SAMD4A: variants seen among roughly 807,000 people sequenced by gnomAD.
The protein encoded by SAMD4A is sterile alpha motif domain containing 4A.
In SAMD4A, 33 loss-of-function variants were observed where a neutral mutation model predicts 81.3. The ratio of observed to expected loss-of-function variants is 0.41; its 90% CI spans 0.31 to 0.54. SAMD4A has a LOEUF of 0.54. Among genes scored for constraint, SAMD4A ranks in the 20% least tolerant of loss-of-function variants. The pLI is 0.37. For synonymous variants in SAMD4A, 389 were observed against 382.1 expected (o/e 1.02, Z -0.21); for missense variants, 854 against 951.1 (o/e 0.90, Z 1.34).
At chr14:54,665,280 T>C (rs2035733444) in intron 2 of SAMD4A, among the ~76,000 whole-genome samples, 1 of 152,262 alleles carries the variant, frequency 6.6e-6, no homozygotes, top group Non-Finnish European at 1.5e-5. Flanking sequence ...ATTGGATTCC[T>C]ATTCACCCAG....
intron 2 of SAMD4A, among the ~76,000 whole-genome samples, chr14:54,580,601 C>T (rs897363590): frequency 2.6e-5 from 4 of 152,274 alleles, no homozygotes; most frequent in African/African-American, 9.6e-5. Flanking sequence ...TTAAACAGTT[C>T]CTTACTGGGT....
At chr14:54,648,660 A>C (rs1388362093) in intron 2 of SAMD4A, among the ~76,000 whole-genome samples, 2 of 152,194 alleles carry the variant, frequency 1.3e-5, no homozygotes, top group African/African-American at 4.8e-5. Context: ...AGAGTGTGGT[A>C]GGAAATGAAG....
chr14:54,738,832 C>A (rs2037766586), intron 4 of SAMD4A, among the ~76,000 whole-genome samples: 1 of 151,552 alleles, frequency 6.6e-6, no homozygotes, highest in African/African-American at 2.4e-5. Flanking sequence ...AGCTTCTTTC[C>A]AGGTGAAGTT....
rs200970183 is a variant in SAMD4A at position 54,662,827 on chromosome 14, G to A, written c.197-39235G>A. Among the ~76,000 whole-genome samples, 112 of 152,140 alleles carry A rather than the reference G, an allele frequency of 7.4e-4. 1 individual carries two copies. The East Asian group carries it at 0.019, about 25-fold the overall frequency. On this transcript the variant is annotated intron_variant, in intron 2 of 12. Coordinates refer to ENST00000554335, the MANE Select transcript of SAMD4A (RefSeq NM_015589.6). ...TGCTATGGCCCTGCGATTCCTACAC[G>A]GTCTGCACACCCCACGTTGACCCCC...
rs1028491089 is a variant in SAMD4A at position 54,751,619 on chromosome 14, G to C, written c.1176+82G>C. The C allele has an allele frequency of 5.6e-6, 5 of 895,644 alleles. No individual in the cohort carries two copies. The South Asian group carries it at 7.0e-5, about 12-fold the overall frequency. 55.5% of individuals were successfully genotyped at this position (895,644 alleles called of 1,614,324 possible). A position where few individuals can be genotyped will look rare whatever the true frequency, so the allele number is the denominator to read the frequency against. On this transcript the variant is annotated intron_variant, in intron 6 of 12. Coordinates refer to ENST00000554335, the MANE Select transcript of SAMD4A (RefSeq NM_015589.6). ...AAAATTCTCCACTGGAAGTGTCATCGACAGACCTTCTAGAGCGTACCATGT... is the reference window on the plus strand; with the variant it reads ...AAAATTCTCCACTGGAAGTGTCATCCACAGACCTTCTAGAGCGTACCATGT...
intron 10 of SAMD4A, 73 bp downstream of exon 10, chr14:54,775,208 AC>A: frequency 6.4e-7 from 1 of 1,573,530 alleles, no homozygotes; most frequent in South Asian, 1.1e-5. Context: ...CCCCCAGGTG[AC>A]CCCAGGGTGG....
intron 2 of SAMD4A, among the ~76,000 whole-genome samples, chr14:54,608,913 T>A (rs1242616310): frequency 6.6e-6 from 1 of 152,206 alleles, no homozygotes; most frequent in Non-Finnish European, 1.5e-5. Context: ...AGTCCAGACC[T>A]TTTGAGATGA....
rs1172889866 is a variant in SAMD4A, at chr14:54,780,546, C to T, written c.2045-3991C>T. Among the ~76,000 whole-genome samples, 8 of 152,300 alleles carry T rather than the reference C, an allele frequency of 5.3e-5. No individual in the cohort carries two copies. The East Asian group carries it at 1.5e-3, about 29-fold the overall frequency. On this transcript the variant is annotated intron_variant, in intron 11 of 12. Transcript: ENST00000554335. The stretch of plus-strand genomic sequence containing the variant: ...CAAGTACAGTACTGGATAAATATTT[C>T]CTCCATGTCTTCTAATAAATCAAGG...
chr14:54,734,391 G>A (rs533405021), intron 3 of SAMD4A, among the ~76,000 whole-genome samples: 2 of 152,338 alleles, frequency 1.3e-5, no homozygotes, highest in South Asian at 2.1e-4. Context: ...GCAGCAGTGG[G>A]AACCAAGAAG....
At chr14:54,598,567 A>C (rs1278573093) in intron 2 of SAMD4A, among the ~76,000 whole-genome samples, 2 of 152,196 alleles carry the variant, frequency 1.3e-5, no homozygotes, top group African/African-American at 4.8e-5. Context: ...CATATTTTAA[A>C]ACACTCATTG....
At chr14:54,690,020 C>T (rs1342114924) in intron 2 of SAMD4A, 1 of 152,162 alleles carries the variant, frequency 6.6e-6, no homozygotes, top group African/African-American at 2.4e-5. Context: ...ATGTCATCAG[C>T]CATAATAGAA....
chr14:54,732,587 G>A (rs569721608), intron 3 of SAMD4A, among the ~76,000 whole-genome samples: 17 of 152,228 alleles, frequency 1.1e-4, no homozygotes, highest in South Asian at 2.1e-4. Flanking sequence ...ACTGCATTCA[G>A]CGTGTAAATT....
chr14:54,664,699 G>A (rs1254779229), intron 2 of SAMD4A, among the ~76,000 whole-genome samples: 2 of 151,384 alleles, frequency 1.3e-5, no homozygotes, highest in Non-Finnish European at 2.9e-5. Context: ...GAAATAAACA[G>A]GGAGAAACCA....
rs552601532 is a variant in SAMD4A at position 54,655,564 on chromosome 14, T to C, written c.197-46498T>C. 1.1e-4 allele frequency among the ~76,000 whole-genome samples: 15 copies of C among 138,748 alleles called. 1 individual carries two copies. The South Asian group carries it at 3.6e-3, about 33-fold the overall frequency. The allele number at this position is 138,748 out of a possible 152,430, so 91.0% of individuals were successfully genotyped here. A position where few individuals can be genotyped will look rare whatever the true frequency, so the allele number is the denominator to read the frequency against. ...CCGACCAACATGGAAAAACCCCGTC[T>C]CTACTAAAAATACAAAAAAAAAAAT... is the stretch of plus-strand genomic sequence containing the variant. On this transcript the variant is annotated intron_variant, in intron 2 of 12. Transcript: ENST00000554335.
intron 8 of SAMD4A, among the ~76,000 whole-genome samples, chr14:54,767,526 G>A (rs74049670): frequency 2.0e-5 from 3 of 152,144 alleles, no homozygotes; most frequent in Non-Finnish European, 4.4e-5. Context: ...AGCTCTTGCC[G>A]CTTTATGAAC....
intron 3 of SAMD4A, among the ~76,000 whole-genome samples, chr14:54,722,378 G>A (rs75681227): frequency 0.01 from 1,562 of 152,292 alleles, 32 homozygotes; most frequent in African/African-American, 0.036. Context: ...ACTTCCTGCT[G>A]TGTTTATGCT....
intron 2 of SAMD4A, among the ~76,000 whole-genome samples, chr14:54,697,823 G>A (rs1159271238): frequency 6.6e-6 from 1 of 152,138 alleles, no homozygotes; most frequent in African/African-American, 2.4e-5. Flanking sequence ...TCTGGGCTAG[G>A]AGATCTGCTT....
At chr14:54,579,776 A>G (rs1336197622) in intron 2 of SAMD4A, among the ~76,000 whole-genome samples, 1 of 152,208 alleles carries the variant, frequency 6.6e-6, no homozygotes, top group African/African-American at 2.4e-5. Context: ...GGAGGGAAAC[A>G]GGCCCTGCAC....
intron 11 of SAMD4A, among the ~76,000 whole-genome samples, chr14:54,782,578 G>A (rs1038009721): frequency 2.0e-5 from 3 of 152,172 alleles, no homozygotes; most frequent in Non-Finnish European, 2.9e-5. Context: ...TGGAAGCTCA[G>A]TCGGCCTCCG....
Sources: gnomAD v4.1 joint callset for allele counts (sites outside exome capture counted in the v4.1 genomes callset) on GRCh38, gnomAD v4.1.1 for gene constraint, MANE v1.5 for transcripts, NCBI Gene and HGNC (gene_info 2026-07-23, HGNC 2026-07-21) for gene names.